Variants in IQGAP2 observed in about 807,000 individuals in gnomAD.
The protein encoded by IQGAP2 is IQ motif containing GTPase activating protein 2, also known as ras GTPase-activating-like protein IQGAP2.
IQGAP2 carries 173 observed loss-of-function variants against 201.3 expected under a neutral mutation model. The observed-to-expected ratio is 0.86, with a 90% CI of 0.76 to 0.98. IQGAP2 has a LOEUF of 0.98. Ranked by LOEUF, IQGAP2 falls within the 50% of genes least tolerant of loss-of-function variation. The pLI is 0.00. For missense variants in IQGAP2, 1,687 were observed against 1,864.8 expected (o/e 0.90, Z 1.76); for synonymous variants, 675 against 673.9 (o/e 1.00, Z -0.03).
intron 2 of IQGAP2, among the ~76,000 whole-genome samples, chr5:76,555,863 G>T (rs1049119014): frequency 2.0e-5 from 3 of 152,060 alleles, no homozygotes; most frequent in Non-Finnish European, 4.4e-5. Context: ...CACACTTAGG[G>T]GTGGTGCACC....
At chr5:76,540,184 A>T (rs1017030360) in intron 2 of IQGAP2, among the ~76,000 whole-genome samples, 4 of 152,184 alleles carry the variant, frequency 2.6e-5, no homozygotes, top group African/African-American at 9.7e-5. Context: ...TCCTCTTCAT[A>T]TTCACCTAAG....
At position 76,600,804 on chromosome 5, in the gene IQGAP2, T is replaced by C; in HGVS notation, c.1072-8T>C. The C allele has an allele frequency of 6.2e-7, 1 of 1,613,898 alleles. No individual in the cohort carries two copies. Among genetic ancestry groups the C allele is most frequent in the Non-Finnish European group, 8.5e-7 (1 of 1,179,804 alleles). ...GGGGAGCTTATGTTGCCATATGTTT[T>C]CCAACAGAACTACTTGGCCCACGAG... On this transcript the variant is annotated splice_polypyrimidine_tract_variant and splice_region_variant and intron_variant, in intron 10 of 35. Coordinates refer to ENST00000274364, the MANE Select transcript of IQGAP2 (RefSeq NM_006633.5).
In IQGAP2 at chr5:76,618,028, G is replaced by T. The variant is rs113440427; in HGVS notation, c.1521+6845G>T. ...TATTCCTGCTTCAGTATGAAAAATG[G>T]CAGCATATATAAGAAAACTGTTGCC... On this transcript the variant is annotated intron_variant, in intron 13 of 35. Coordinates refer to ENST00000274364, the MANE Select transcript of IQGAP2 (RefSeq NM_006633.5). 2.5e-6 allele frequency: 4 copies of T among 1,614,144 alleles called. No individual in the cohort carries two copies. The African/African-American group carries it at 4.0e-5, about 16-fold the overall frequency.
chr5:76,425,367 G>A (rs1004869362), intron 1 of IQGAP2, among the ~76,000 whole-genome samples: 3 of 151,912 alleles, frequency 2.0e-5, no homozygotes, highest in Non-Finnish European at 2.9e-5. Flanking sequence ...ATAAACTTTT[G>A]AAGTCTGAAT....
In IQGAP2 at chr5:76,631,249, T is replaced by C. The variant is rs1750680476; in HGVS notation, c.1613-610T>C. On this transcript the variant is annotated intron_variant, in intron 14 of 35. Coordinates refer to ENST00000274364, the MANE Select transcript of IQGAP2 (RefSeq NM_006633.5). Reference sequence around the variant, plus strand: ...TAACTTTCCTTAGGCAACCAAGAGTTTAATGTGTTTTGTTAATGAGGAGGG... The same window carrying C: ...TAACTTTCCTTAGGCAACCAAGAGTCTAATGTGTTTTGTTAATGAGGAGGG... Among the ~76,000 whole-genome samples the C allele has an allele frequency of 2.0e-5, 3 of 152,222 alleles. No individual in the cohort carries two copies. In the East Asian group the frequency reaches 5.8e-4, roughly 29 times the overall value.
intron 13 of IQGAP2, among the ~76,000 whole-genome samples, chr5:76,612,204 C>T (rs114713484): frequency 0.085 from 12,907 of 152,072 alleles, 1,022 homozygotes; most frequent in Admixed American, 0.2. Flanking sequence ...AAAATGTGAC[C>T]GGGCACAGTA....
chr5:76,406,829 T>TTG (rs5868825), intron 1 of IQGAP2, among the ~76,000 whole-genome samples: 1 of 46,662 alleles, frequency 2.1e-5, no homozygotes, highest in African/African-American at 5.8e-5. Flanking sequence ...TTTTCTACAC[T>TTG]ACAAGATTCA....
intron 1 of IQGAP2, among the ~76,000 whole-genome samples, chr5:76,450,276 C>T (rs1360011312): frequency 1.3e-5 from 2 of 152,184 alleles, no homozygotes; most frequent in African/African-American, 4.8e-5. Flanking sequence ...CTCTTGCCAA[C>T]CCAACTCCCT....
At chr5:76,424,005 T>C (rs1056650678) in intron 1 of IQGAP2, among the ~76,000 whole-genome samples, 2 of 152,194 alleles carry the variant, frequency 1.3e-5, no homozygotes, top group African/African-American at 4.8e-5. Flanking sequence ...AGCTCTTTAA[T>C]CAGGCAGGAT....
At chr5:76,497,342 T>C in intron 2 of IQGAP2, among the ~76,000 whole-genome samples, 1 of 152,172 alleles carries the variant, frequency 6.6e-6, no homozygotes, top group Non-Finnish European at 1.5e-5. Context: ...AGGGAGCTTT[T>C]CAGGACCTCA....
At chr5:76,554,702 C>CT (rs940117648) in intron 2 of IQGAP2, among the ~76,000 whole-genome samples, 1 of 152,110 alleles carries the variant, frequency 6.6e-6, no homozygotes, top group African/African-American at 2.4e-5. Context: ...TCATACACTG[C>CT]TGGTGAGAAT....
At chr5:76,651,561 C>G (rs1752514374) in intron 17 of IQGAP2, among the ~76,000 whole-genome samples, 1 of 147,208 alleles carries the variant, frequency 6.8e-6, no homozygotes, top group Admixed American at 6.8e-5. Context: ...CATGATTGAG[C>G]CACTGCACTG....
At chr5:76,684,712 G>A (rs543468774) in intron 30 of IQGAP2, among the ~76,000 whole-genome samples, 8 of 152,136 alleles carry the variant, frequency 5.3e-5, no homozygotes, top group African/African-American at 9.7e-5. Flanking sequence ...GAAACAATAC[G>A]AAACATATTA....
At chr5:76,547,392 A>T (rs577073121) in intron 2 of IQGAP2, 3 of 955,330 alleles carry the variant, frequency 3.1e-6, no homozygotes, top group Admixed American at 6.2e-5. Flanking sequence ...TCCATATTGA[A>T]TACTTGCTTG....
intron 5 of IQGAP2, among the ~76,000 whole-genome samples, chr5:76,582,945 T>C (rs1580515654): frequency 6.6e-6 from 1 of 152,226 alleles, no homozygotes; most frequent in South Asian, 2.1e-4. Flanking sequence ...AACCCCTCCG[T>C]TGCTGGCCTC....
intron 28 of IQGAP2, among the ~76,000 whole-genome samples, chr5:76,681,663 C>G (rs1325768478): frequency 6.6e-6 from 1 of 151,860 alleles, no homozygotes; most frequent in Non-Finnish European, 1.5e-5. Context: ...AAAATTTAAA[C>G]AGAGAGGCTG....
At chr5:76,572,060 C>T (rs1745150476) in intron 4 of IQGAP2, among the ~76,000 whole-genome samples, 2 of 152,130 alleles carry the variant, frequency 1.3e-5, no homozygotes, top group African/African-American at 4.8e-5. Context: ...AATATGTTCT[C>T]GATCTCTATA....
chr5:76,490,555 G>A (rs1756474065), intron 2 of IQGAP2, among the ~76,000 whole-genome samples: 1 of 152,164 alleles, frequency 6.6e-6, no homozygotes, highest in African/African-American at 2.4e-5. Flanking sequence ...GATGTGGAGA[G>A]AATGAAAGAT....
chr5:76,403,943 C>T lies in IQGAP2; in HGVS notation c.46+352C>T, dbSNP rs2150064510. Among the ~76,000 whole-genome samples, 1 of 152,242 alleles carries T rather than the reference C, an allele frequency of 6.6e-6. No individual in the cohort carries two copies. Among genetic ancestry groups the T allele is most frequent in the Non-Finnish European group, 1.5e-5 (1 of 68,014 alleles). On this transcript the variant is annotated intron_variant, in intron 1 of 35. Transcript: ENST00000274364. This position sits in a 1 kb window ranked among gnomAD's most constrained non-coding sequence, Gnocchi z 4.8. ...AGCTCCGGGTCGCCGCCGGCTTGGG[C>T]CAGGGGGTGGCGTAAGGCACCGGAT...
Sources: allele counts gnomAD v4.1 joint callset (sites outside exome capture counted in the v4.1 genomes callset), GRCh38; gene constraint gnomAD v4.1.1; non-coding constraint Gnocchi (gnomAD v3.1); transcripts MANE v1.5; gene names NCBI Gene and HGNC (gene_info 2026-07-23, HGNC 2026-07-21).